Variants in FAM168A observed in about 807,000 individuals in gnomAD.
The protein encoded by FAM168A is protein FAM168A.
A neutral mutation model predicts 28.5 loss-of-function variants in FAM168A; 3 were observed. The ratio of observed to expected loss-of-function variants is 0.11; its 90% CI spans 0.05 to 0.27. The LOEUF is 0.27. FAM168A is among the 10% of genes least tolerant of loss of function. The pLI is 1.00. For missense variants in FAM168A, 222 were observed against 311.5 expected, an observed-to-expected ratio of 0.71 and a Z score of 2.16; for synonymous variants, 122 against 124.2, an observed-to-expected ratio of 0.98 and a Z score of 0.12.
At chr11:73,498,324 C>G (rs541331779) in intron 1 of FAM168A, among the ~76,000 whole-genome samples, 4 of 152,182 alleles carry the variant, frequency 2.6e-5, no homozygotes, top group Admixed American at 2.0e-4. Flanking sequence ...GGGGACCCCC[C>G]CTTCCCCCCA....
chr11:73,421,903 A>G (rs1866799671), intron 3 of FAM168A, among the ~76,000 whole-genome samples: 1 of 152,246 alleles, frequency 6.6e-6, no homozygotes, highest in Admixed American at 6.5e-5. Flanking sequence ...TCCAAGTGGT[A>G]TATACTTTAC....
intron 2 of FAM168A, among the ~76,000 whole-genome samples, chr11:73,444,049 G>A (rs991471877): frequency 6.6e-6 from 1 of 152,174 alleles, no homozygotes; most frequent in Non-Finnish European, 1.5e-5. Flanking sequence ...AAGAACGGGG[G>A]TTCTGAAGGC....
chr11:73,426,983 A>G (rs2134505438), intron 3 of FAM168A, among the ~76,000 whole-genome samples: 1 of 149,370 alleles, frequency 6.7e-6, no homozygotes, highest in Middle Eastern at 3.7e-3. Context: ...TTGTTTGGAA[A>G]TATGTTTTAT....
chr11:73,546,729 T>C (rs1413129979), intron 1 of FAM168A, among the ~76,000 whole-genome samples: 1 of 134,012 alleles, frequency 7.5e-6, no homozygotes, highest in Non-Finnish European at 1.6e-5. Context: ...CGAAACTCCA[T>C]CTCAAAAAAA....
chr11:73,471,409 T>C (rs927759876), intron 1 of FAM168A, among the ~76,000 whole-genome samples: 6 of 152,214 alleles, frequency 3.9e-5, no homozygotes, highest in Non-Finnish European at 7.3e-5. Context: ...TTCCATATAG[T>C]AAAATTTTAC....
intron 2 of FAM168A, among the ~76,000 whole-genome samples, chr11:73,451,337 A>G (rs1452548528): frequency 2.6e-5 from 4 of 152,216 alleles, no homozygotes; most frequent in Non-Finnish European, 2.9e-5. Flanking sequence ...CCAAACTCTC[A>G]GGTCAATTTG....
intron 2 of FAM168A, among the ~76,000 whole-genome samples, chr11:73,446,247 A>G (rs1867312040): frequency 6.6e-6 from 1 of 152,246 alleles, no homozygotes; most frequent in African/African-American, 2.4e-5. Context: ...TGAAATTATA[A>G]CAGGAAGTCT....
intron 5 of FAM168A, 100 bp from the exon 6 acceptor site, chr11:73,409,761 G>A (rs1377345106): frequency 8.0e-7 from 1 of 1,249,956 alleles, no homozygotes; most frequent in Non-Finnish European, 1.1e-6. Context: ...GACCCCAGCT[G>A]GGGCTCTGCT....
In FAM168A at chr11:73,493,561, G is replaced by A. The variant is rs78361665; in HGVS notation, c.-18-25069C>T. ...CTCCTAAGTAGCTGGGTCTACCGACGTGTGCCACCATGCTAGGCTAATTTT... is the reference window on the plus strand; with the variant it reads ...CTCCTAAGTAGCTGGGTCTACCGACATGTGCCACCATGCTAGGCTAATTTT... On this transcript the variant is annotated intron_variant, in intron 1 of 7. Coordinates refer to ENST00000356467, the MANE Select transcript of FAM168A (RefSeq NM_015159.3). 8.7e-3 allele frequency among the ~76,000 whole-genome samples: 1,325 copies of A among 152,110 alleles called. 30 individuals carry two copies. The highest frequency in any genetic ancestry group is 0.03 in the African/African-American group (1,260 of 41,492).
At position 73,442,975 on chromosome 11, in the gene FAM168A, T is replaced by TATAC. The variant is rs1471362175; in HGVS notation, c.71-12206_71-12205insGTAT. Among the ~76,000 whole-genome samples, 23 of 118,002 alleles carry TATAC rather than the reference T, an allele frequency of 1.9e-4. 1 individual carries two copies. The East Asian group carries it at 4.1e-3, about 21-fold the overall frequency. 77.4% of individuals were successfully genotyped at this position (118,002 alleles called of 152,430 possible). Reference sequence around the variant, plus strand: ...CAAAGGATATATATATATATATATATATATATATATATATATATATATGCC... The same window carrying TATAC: ...CAAAGGATATATATATATATATATATATACATATATATATATATATATATATGCC... On this transcript the variant is annotated intron_variant, in intron 2 of 7. Coordinates refer to ENST00000356467, the MANE Select transcript of FAM168A (RefSeq NM_015159.3).
chr11:73,492,828 T>C (rs1487099460), intron 1 of FAM168A, among the ~76,000 whole-genome samples: 2 of 151,900 alleles, frequency 1.3e-5, no homozygotes, highest in East Asian at 1.9e-4. Flanking sequence ...TGGAACACAA[T>C]GCAGCCATAA....
chr11:73,576,292 G>GGGAATTGTCAGCC (rs1316641142), intron 1 of FAM168A, among the ~76,000 whole-genome samples: 1 of 152,168 alleles, frequency 6.6e-6, no homozygotes, highest in Non-Finnish European at 1.5e-5. Context: ...GTAGAATAAA[G>GGGAATTGTCAGCC]GGAATTGTCA....
intron 1 of FAM168A, among the ~76,000 whole-genome samples, chr11:73,562,153 G>C (rs567571228): frequency 6.6e-6 from 1 of 152,320 alleles, no homozygotes; most frequent in Admixed American, 6.5e-5. Context: ...ATGTTGGTCA[G>C]GCTGGTCTCA....
At chr11:73,484,574 A>ATATC (rs1868019402) in intron 1 of FAM168A, among the ~76,000 whole-genome samples, 1 of 105,004 alleles carries the variant, frequency 9.5e-6, no homozygotes, top group Non-Finnish European at 2.2e-5. Context: ...ATATATCTAT[A>ATATC]TATCGATATC....
intron 5 of FAM168A, among the ~76,000 whole-genome samples, chr11:73,411,092 G>C (rs1866601857): frequency 1.3e-5 from 2 of 152,220 alleles, no homozygotes. Context: ...CCCTCTTTGG[G>C]TCTCAGTTTC....
intron 1 of FAM168A, among the ~76,000 whole-genome samples, chr11:73,593,197 T>C (rs1172341959): frequency 2.6e-5 from 4 of 152,196 alleles, no homozygotes; most frequent in African/African-American, 9.6e-5. Flanking sequence ...AGAGAGAAGA[T>C]GGGAGATTCA....
chr11:73,546,302 G>A (rs528545408), intron 1 of FAM168A, among the ~76,000 whole-genome samples: 1 of 152,282 alleles, frequency 6.6e-6, no homozygotes, highest in Non-Finnish European at 1.5e-5. Flanking sequence ...GGCGGGAAGT[G>A]GGGAGAAAAA....
At position 73,401,927 on chromosome 11, in the gene FAM168A, T is replaced by C. The variant is rs1016167317; in HGVS notation, c.*4836A>G. 1 of 152,220 alleles carries C rather than the reference T, an allele frequency of 6.6e-6. No individual in the cohort carries two copies. The highest frequency in any genetic ancestry group is 2.4e-5 in the African/African-American group (1 of 41,456). 9.4% of individuals were successfully genotyped at this position (152,220 alleles called of 1,614,324 possible). ...GGTCCTGGAACCATATAATGCCTAA[T>C]TTCAGAAACGAGGAGTTTTCTAGGA... On this transcript the variant is annotated 3_prime_UTR_variant, in exon 8 of 8. Coordinates refer to ENST00000356467, the MANE Select transcript of FAM168A (RefSeq NM_015159.3).
In FAM168A at chr11:73,409,476, G is replaced by A; in HGVS notation, c.595+11C>T. 6.2e-7 allele frequency: 1 copy of A among 1,613,278 alleles called. No individual in the cohort carries two copies. The highest frequency in any genetic ancestry group is 8.5e-7 in the Non-Finnish European group (1 of 1,179,722). ...GAAAGGGATGGACACTGATGCAGAT[G>A]CTGCCCTCACCTGCTGACATTGCCA... On this transcript the variant is annotated intron_variant, in intron 6 of 7. Transcript: ENST00000356467.
Sources: gnomAD v4.1 joint callset for allele counts (sites outside exome capture counted in the v4.1 genomes callset) on GRCh38, gnomAD v4.1.1 for gene constraint, MANE v1.5 for transcripts, NCBI Gene and HGNC (gene_info 2026-07-23, HGNC 2026-07-21) for gene names.